The following SEPTIN14 variants were observed in gnomAD, a reference collection of about 807,000 sequenced individuals.
The protein encoded by SEPTIN14 is septin 14.
In SEPTIN14, 40 loss-of-function variants were observed where a neutral mutation model predicts 53.6. That is an observed-to-expected ratio of 0.75 (90% CI 0.58 to 0.97). SEPTIN14 has a LOEUF of 0.97. SEPTIN14 is among the 50% of genes least tolerant of loss of function. The probability of loss-of-function intolerance (pLI) is 0.00; values close to 1 mark genes in which losing one functional copy is unlikely to be tolerated. For synonymous variants in SEPTIN14, 138 were observed against 166.8 expected, an observed-to-expected ratio of 0.83 and a Z score of 1.33; for missense variants, 471 against 508.2, an observed-to-expected ratio of 0.93 and a Z score of 0.70.
intron 2 of SEPTIN14, among the ~76,000 whole-genome samples, chr7:55,857,580 GTCTTTTTTT>G (rs1789661733): frequency 1.4e-5 from 1 of 69,718 alleles, no homozygotes. Context: ...GGGAGCCTGT[GTCTTTTTTT>G]TTTTTTTTTT....
chr7:55,854,430 G>A (rs536935774), intron 2 of SEPTIN14, among the ~76,000 whole-genome samples: 2 of 149,394 alleles, frequency 1.3e-5, no homozygotes, highest in African/African-American at 5.1e-5. Flanking sequence ...CATTGTACTG[G>A]AGGTTCTTTT....
intron 2 of SEPTIN14, among the ~76,000 whole-genome samples, chr7:55,849,688 G>C (rs187817503): frequency 6.6e-6 from 1 of 152,186 alleles, no homozygotes; most frequent in East Asian, 1.9e-4. Context: ...AGAGGTTGCG[G>C]TGAGCCGAGA....
chr7:55,803,243 T>C (rs1788553301), intron 9 of SEPTIN14, among the ~76,000 whole-genome samples: 1 of 152,144 alleles, frequency 6.6e-6, no homozygotes, highest in South Asian at 2.1e-4. Context: ...CGGCTGAACC[T>C]GAACATTTTT....
chr7:55,802,183 T>G (rs1486644316), intron 9 of SEPTIN14, among the ~76,000 whole-genome samples: 17 of 151,920 alleles, frequency 1.1e-4, no homozygotes, highest in Admixed American at 1.0e-3. Flanking sequence ...TTTTATATTT[T>G]TAGTAGAGAT....
At position 55,826,096 on chromosome 7, in the gene SEPTIN14, G is replaced by A. The variant is rs558765003; in HGVS notation, c.721-6873C>T. Among the ~76,000 whole-genome samples, 148 of 148,224 alleles carry A rather than the reference G, an allele frequency of 1.0e-3. 1 individual carries two copies. The highest frequency in any genetic ancestry group is 3.2e-3 in the African/African-American group (128 of 40,166). On this transcript the variant is annotated intron_variant, in intron 6 of 9. Transcript: ENST00000388975. ...CAGCCTGGCGACAGAGTGAGACTCC[G>A]TCTCAAAAAAAAAAAAAAGTCACAA...
chr7:55,847,020 T>C (rs1482016836), intron 2 of SEPTIN14, among the ~76,000 whole-genome samples: 1 of 152,088 alleles, frequency 6.6e-6, no homozygotes, highest in African/African-American at 2.4e-5. Context: ...ACCCCATCTC[T>C]ACTAAAAATA....
intron 7 of SEPTIN14, among the ~76,000 whole-genome samples, chr7:55,818,334 T>A (rs1331202217): frequency 6.6e-6 from 1 of 151,842 alleles, no homozygotes; most frequent in Non-Finnish European, 1.5e-5. Flanking sequence ...TAGCCCGGTG[T>A]GGCGGCAAGC....
intron 9 of SEPTIN14, among the ~76,000 whole-genome samples, chr7:55,802,939 A>C (rs1788546120): frequency 6.7e-6 from 1 of 148,862 alleles, no homozygotes; most frequent in Non-Finnish European, 1.5e-5. Context: ...ATGAAACTGA[A>C]CTTTTTTTTT....
intron 6 of SEPTIN14, among the ~76,000 whole-genome samples, chr7:55,832,306 A>G (rs1789123344): frequency 6.6e-6 from 1 of 152,094 alleles, no homozygotes; most frequent in African/African-American, 2.4e-5. Context: ...ATGCTTATTC[A>G]CTGTTGGTGG....
chr7:55,834,077 G>A (rs1789160499), intron 6 of SEPTIN14, among the ~76,000 whole-genome samples: 1 of 151,982 alleles, frequency 6.6e-6, no homozygotes, highest in African/African-American at 2.4e-5. Context: ...TATAGCCTAG[G>A]ACCAGATTAC....
At chr7:55,821,188 G>A (rs1788887990) in intron 6 of SEPTIN14, among the ~76,000 whole-genome samples, 1 of 152,084 alleles carries the variant, frequency 6.6e-6, no homozygotes, top group African/African-American at 2.4e-5. Context: ...TTGTGAAATA[G>A]GGGCCCTGCC....
chr7:55,798,622 C>A (rs566013391), intron 9 of SEPTIN14: 3 of 353,756 alleles, frequency 8.5e-6, no homozygotes, highest in East Asian at 8.2e-5. Flanking sequence ...TCCGGCAGCC[C>A]GTGAGTGGCA....
At chr7:55,830,177 CAAA>C (rs758063923) in intron 6 of SEPTIN14, among the ~76,000 whole-genome samples, 2 of 105,608 alleles carry the variant, frequency 1.9e-5, no homozygotes, top group Admixed American at 1.0e-4. Context: ...GACTCTGTCT[CAAA>C]AAAAAAAAAA....
At chr7:55,829,536 G>A (rs529171541) in intron 6 of SEPTIN14, among the ~76,000 whole-genome samples, 1 of 152,174 alleles carries the variant, frequency 6.6e-6, no homozygotes, top group African/African-American at 2.4e-5. Flanking sequence ...GATCATCAGA[G>A]ACTAATATGA....
intron 7 of SEPTIN14, among the ~76,000 whole-genome samples, chr7:55,811,887 A>G (rs1245638902): frequency 6.6e-6 from 1 of 151,278 alleles, no homozygotes; most frequent in Admixed American, 6.6e-5. Flanking sequence ...TCCGCCTCCC[A>G]GGTTCAAGTG....
At chr7:55,851,882 C>T (rs1789521184) in intron 2 of SEPTIN14, among the ~76,000 whole-genome samples, 1 of 152,128 alleles carries the variant, frequency 6.6e-6, no homozygotes, top group Non-Finnish European at 1.5e-5. Context: ...GTGGCTCACG[C>T]CTGTAATCCC....
chr7:55,842,852 G>A, intron 5 of SEPTIN14, 90 bp downstream of exon 5: 1 of 718,708 alleles, frequency 1.4e-6, no homozygotes, highest in South Asian at 2.9e-5. Context: ...GGCGGAGCTT[G>A]CGGTGAGATC....
intron 3 of SEPTIN14, among the ~76,000 whole-genome samples, chr7:55,845,997 C>T (rs1008679503): frequency 5.7e-5 from 8 of 140,042 alleles, no homozygotes; most frequent in African/African-American, 1.8e-4. Flanking sequence ...TGCAGTGAAC[C>T]GAGATTGCAC....
At chr7:55,815,162 A>T (rs1329314218) in intron 7 of SEPTIN14, among the ~76,000 whole-genome samples, 1 of 152,206 alleles carries the variant, frequency 6.6e-6, no homozygotes, top group African/African-American at 2.4e-5. Flanking sequence ...TTAAAGACTT[A>T]AATCTAAGAC....
Sources: gnomAD v4.1 joint callset for allele counts (sites outside exome capture counted in the v4.1 genomes callset) on GRCh38, gnomAD v4.1.1 for gene constraint, MANE v1.5 for transcripts, NCBI Gene and HGNC (gene_info 2026-07-23, HGNC 2026-07-21) for gene names.